SEC14L1: variants seen among roughly 807,000 people sequenced by gnomAD.
SEC14L1 encodes SEC14-like protein 1.
SEC14L1 carries 48 observed loss-of-function variants against 85.3 expected under a neutral mutation model. The observed-to-expected ratio is 0.56, with a 90% CI of 0.45 to 0.72. SEC14L1 has a LOEUF of 0.72. Ranked by LOEUF, SEC14L1 falls within the 30% of genes least tolerant of loss-of-function variation. SEC14L1 has a pLI of 0.00. For synonymous variants in SEC14L1, 391 were observed against 355.5 expected (o/e 1.10, Z -1.12); for missense variants, 682 against 921.4 (o/e 0.74, Z 3.36).
intron 3 of SEC14L1, among the ~76,000 whole-genome samples, chr17:77,132,532 C>T (rs1382725222): frequency 2.0e-5 from 3 of 152,074 alleles, no homozygotes; most frequent in Non-Finnish European, 2.9e-5. Flanking sequence ...GGCAAGTCTG[C>T]GTGCATTAAA....
Position 77,216,312 on chromosome 17 carries a change from A to G in SEC14L1, c.*2289A>G, listed in dbSNP as rs533372988. 6 of 1,323,976 alleles carry G rather than the reference A, an allele frequency of 4.5e-6. No homozygotes were observed. In the East Asian group the frequency reaches 1.9e-4, roughly 42 times the overall value. The allele number at this position is 1,323,976 out of a possible 1,614,324, so 82.0% of individuals were successfully genotyped here. A position where few individuals can be genotyped will look rare whatever the true frequency, so the allele number is the denominator to read the frequency against. On this transcript the variant is annotated 3_prime_UTR_variant, in exon 17 of 17. Coordinates refer to ENST00000436233, the MANE Select transcript of SEC14L1 (RefSeq NM_001143998.2). Reference sequence around the variant, plus strand: ...GGGTTCGTAGGTAGGGCTAGTAGGTAGGGCTAGTAGGTAGGGCTAGTAGGT... The same window carrying G: ...GGGTTCGTAGGTAGGGCTAGTAGGTGGGGCTAGTAGGTAGGGCTAGTAGGT...
intron 3 of SEC14L1, among the ~76,000 whole-genome samples, chr17:77,158,070 A>G (rs961882083): frequency 1.3e-5 from 2 of 152,134 alleles, no homozygotes; most frequent in Non-Finnish European, 2.9e-5. Flanking sequence ...TTGTATTTTT[A>G]GTAGAGATGG....
At chr17:77,200,432 GTTCCC>G in intron 8 of SEC14L1, 47 bp from the exon 9 acceptor site, 1 of 1,511,678 alleles carries the variant, frequency 6.6e-7, no homozygotes, top group South Asian at 1.2e-5. Context: ...GCCTCCCAAA[GTTCCC>G]TTCACAACTT....
intron 14 of SEC14L1, 187 bp from the exon 15 acceptor site, chr17:77,211,763 C>T (rs950344514): frequency 1.7e-5 from 12 of 705,518 alleles, no homozygotes; most frequent in Non-Finnish European, 2.8e-5. Flanking sequence ...TGACATGTAG[C>T]AGGATCCAGC....
At position 77,203,659 on chromosome 17, in the gene SEC14L1, G is replaced by C; in HGVS notation, c.1098+1G>C. On this transcript the variant is annotated splice_donor_variant, in intron 10 of 16. Transcript: ENST00000436233. LOFTEE classifies it high-confidence loss of function. ...CGGGGAGGAAGCCCTGCTGAGATAC[G>C]TAAGTGCGCGGCTGCGAGACTCCAG... 1.2e-6 allele frequency: 2 copies of C among 1,610,862 alleles called. No individual in the cohort carries two copies. Among genetic ancestry groups the C allele is most frequent in the South Asian group, 2.2e-5 (2 of 90,562 alleles).
Position 77,213,890 on chromosome 17 carries a change from C to A in SEC14L1, c.2043-28C>A, listed in dbSNP as rs201903021. 5.6e-6 allele frequency: 9 copies of A among 1,609,470 alleles called. No individual in the cohort carries two copies. In the African/African-American group the frequency reaches 8.0e-5, roughly 14 times the overall value. On this transcript the variant is annotated intron_variant, in intron 16 of 16. Coordinates refer to ENST00000436233, the MANE Select transcript of SEC14L1 (RefSeq NM_001143998.2). The surrounding 1 kb of genome is among the most constrained non-coding windows in gnomAD (Gnocchi z 7.1). ...CGGGTGGTTGGCAGGGTGGTCCTCA[C>A]GCCTCGCCCCTCCCTGTGCCATTAC... is the stretch of plus-strand genomic sequence containing the variant.
At chr17:77,094,088 G>C (rs1199361267) in intron 3 of SEC14L1, 1 of 152,408 alleles carries the variant, frequency 6.6e-6, no homozygotes, top group Non-Finnish European at 1.5e-5. Flanking sequence ...TTGTGGCCCA[G>C]GCTGGAGTGC....
chr17:77,128,427 T>C (rs1316866712), intron 3 of SEC14L1, among the ~76,000 whole-genome samples: 13 of 65,204 alleles, frequency 2.0e-4, no homozygotes, highest in African/African-American at 6.6e-4. Flanking sequence ...TTTATTTTAT[T>C]TTATTTTATT....
chr17:77,198,643 C>T (rs762199692), intron 8 of SEC14L1, among the ~76,000 whole-genome samples: 4 of 149,242 alleles, frequency 2.7e-5, no homozygotes, highest in Non-Finnish European at 4.5e-5. Context: ...GGCGCGATCT[C>T]GGCTCACTGC....
rs546680395 is a variant in SEC14L1 at position 77,147,038 on chromosome 17, G to T, written c.63+3379G>T. On this transcript the variant is annotated intron_variant, in intron 3 of 16. Transcript: ENST00000436233. ...AACGGAACCGTAGCTTCCGCCGGCG[G>T]ACTTGTGAGCACGTCAGAAAGCGAA... Among the ~76,000 whole-genome samples, 3 of 152,350 alleles carry T rather than the reference G, an allele frequency of 2.0e-5. No homozygotes were observed. In the South Asian group the frequency reaches 6.2e-4, roughly 32 times the overall value.
At chr17:77,151,686 C>T (rs1326668241) in intron 3 of SEC14L1, among the ~76,000 whole-genome samples, 2 of 152,166 alleles carry the variant, frequency 1.3e-5, no homozygotes, top group Non-Finnish European at 2.9e-5. Context: ...GCCATTTACC[C>T]ATCACCCAGT....
At chr17:77,143,412 A>T (rs1278047119) in intron 2 of SEC14L1, among the ~76,000 whole-genome samples, 155 bp from the exon 3 acceptor site, 2 of 152,202 alleles carry the variant, frequency 1.3e-5, no homozygotes, top group Non-Finnish European at 2.9e-5. Flanking sequence ...GCCCTCATGT[A>T]TTTAAATATC....
intron 3 of SEC14L1, among the ~76,000 whole-genome samples, chr17:77,176,363 G>C (rs1974758212): frequency 6.6e-6 from 1 of 152,114 alleles, no homozygotes. Flanking sequence ...TCAATCAGAG[G>C]AAACTGTGCC....
rs746353086 is a variant in SEC14L1 at position 77,194,864 on chromosome 17, C to T, written c.662C>T (p.Ala221Val). 19 of 1,614,202 alleles carry T rather than the reference C, an allele frequency of 1.2e-5. No homozygotes were observed. The African/African-American group carries it at 1.6e-4, about 14-fold the overall frequency. ...CTCAAGGAGGGGCTGAGTGGTGATG[C>T]CCTCAGCAGCCCCAGCGCACCTGAG... ...AALKEGLSGD[A>V]LSSPSAPEPV... The change falls in exon 7 of 17, where the codon GCC (alanine) becomes GTC (valine). Residue 221 changes from alanine to valine, a missense_variant. Physicochemically the swap from Ala to Val is moderately conservative, Grantham distance 64. Coordinates refer to ENST00000436233, the MANE Select transcript of SEC14L1 (RefSeq NM_001143998.2).
At chr17:77,183,791 G>GA (rs1321004268) in intron 3 of SEC14L1, among the ~76,000 whole-genome samples, 1 of 151,992 alleles carries the variant, frequency 6.6e-6, no homozygotes, top group African/African-American at 2.4e-5. Flanking sequence ...CTTTATTCTA[G>GA]ACAGTTCCTT....
intron 3 of SEC14L1, among the ~76,000 whole-genome samples, chr17:77,186,630 G>A (rs563308469): frequency 6.6e-6 from 1 of 152,320 alleles, no homozygotes; most frequent in African/African-American, 2.4e-5. Flanking sequence ...GTGAGATACA[G>A]GCAAGAAAAC....
intron 3 of SEC14L1, among the ~76,000 whole-genome samples, chr17:77,148,296 G>T (rs1021977318): frequency 6.6e-6 from 1 of 152,060 alleles, no homozygotes; most frequent in Admixed American, 6.5e-5. Flanking sequence ...TTCTGAACCC[G>T]ATTTTTGTGG....
At position 77,142,429 on chromosome 17, in the gene SEC14L1, G is replaced by A. The variant is rs914914595; in HGVS notation, c.-135-217G>A. On this transcript the variant is annotated intron_variant, in intron 1 of 16. Transcript: ENST00000436233. Reference sequence around the variant, plus strand: ...CTACAAAAAATATATATGGTGGTGCGTGCCTGTGGTCCCAGCTACTTGGGA... The same window carrying A: ...CTACAAAAAATATATATGGTGGTGCATGCCTGTGGTCCCAGCTACTTGGGA... 6.6e-5 allele frequency among the ~76,000 whole-genome samples: 10 copies of A among 151,854 alleles called. No homozygotes were observed. In the South Asian group the frequency reaches 1.5e-3, roughly 22 times the overall value.
At chr17:77,145,468 T>A (rs930364012) in intron 3 of SEC14L1, among the ~76,000 whole-genome samples, 1 of 152,194 alleles carries the variant, frequency 6.6e-6, no homozygotes, top group African/African-American at 2.4e-5. Context: ...TGTGTGTGGG[T>A]AAGAAGCTCT....
Sources: allele counts gnomAD v4.1 joint callset (sites outside exome capture counted in the v4.1 genomes callset), GRCh38; gene constraint gnomAD v4.1.1; non-coding constraint Gnocchi (gnomAD v3.1); transcripts MANE v1.5; gene names NCBI Gene and HGNC (gene_info 2026-07-23, HGNC 2026-07-21).